The following CASQ2 variants were observed in gnomAD, a reference collection of about 807,000 sequenced individuals.
The protein encoded by CASQ2 is calsequestrin 2, also known as calsequestrin-2.
CASQ2 carries 49 observed loss-of-function variants against 46.5 expected under a neutral mutation model. That is an observed-to-expected ratio of 1.05 (90% CI 0.84 to 1.34). CASQ2 has a LOEUF of 1.34. Ranked by LOEUF, CASQ2 falls within the 40% of genes most tolerant of loss-of-function variation. The pLI, the probability that CASQ2 is intolerant of heterozygous loss-of-function variation, is 0.00. For synonymous variants in CASQ2, 174 were observed against 168.5 expected (o/e 1.03, Z -0.25); for missense variants, 486 against 481.3 (o/e 1.01, Z -0.09).
intron 8 of CASQ2, among the ~76,000 whole-genome samples, chr1:115,709,796 A>G (rs1182667118): frequency 2.0e-5 from 3 of 152,134 alleles, no homozygotes; most frequent in Admixed American, 6.5e-5. Context: ...TTTTTTTCAC[A>G]TGACGTTTAC....
At chr1:115,715,968 T>G (rs1003886589) in intron 8 of CASQ2, among the ~76,000 whole-genome samples, 1 of 152,218 alleles carries the variant, frequency 6.6e-6, no homozygotes, top group Non-Finnish European at 1.5e-5. Context: ...TGCCACTAAC[T>G]GTGTTCTCTT....
chr1:115,743,459 G>A (rs1210338710), intron 2 of CASQ2, among the ~76,000 whole-genome samples: 2 of 151,916 alleles, frequency 1.3e-5, no homozygotes, highest in Non-Finnish European at 2.9e-5. Flanking sequence ...GCCCAAGCTG[G>A]TCTCAAACTC....
intron 4 of CASQ2, among the ~76,000 whole-genome samples, chr1:115,737,089 C>T (rs942487589): frequency 2.0e-5 from 3 of 151,958 alleles, no homozygotes; most frequent in African/African-American, 4.8e-5. Flanking sequence ...TTGAGACAGA[C>T]GAACTGAAAA....
At chr1:115,750,195 A>G (rs1648528877) in intron 1 of CASQ2, among the ~76,000 whole-genome samples, 1 of 152,242 alleles carries the variant, frequency 6.6e-6, no homozygotes, top group South Asian at 2.1e-4. Flanking sequence ...AGAGTTACAT[A>G]CGTGAGAAAA....
chr1:115,723,543 C>T (rs1050189395), intron 7 of CASQ2, among the ~76,000 whole-genome samples: 5 of 151,894 alleles, frequency 3.3e-5, no homozygotes, highest in Admixed American at 6.6e-5. Context: ...ATTAATAAGA[C>T]TCTTTTTTTT....
intron 8 of CASQ2, among the ~76,000 whole-genome samples, chr1:115,708,448 C>T (rs977213870): frequency 1.3e-5 from 2 of 152,140 alleles, no homozygotes; most frequent in Admixed American, 6.5e-5. Context: ...GGAGTCAGCC[C>T]AGAATGGCCC....
chr1:115,724,681 T>G (rs1647512345), intron 7 of CASQ2, among the ~76,000 whole-genome samples: 1 of 152,202 alleles, frequency 6.6e-6, no homozygotes, highest in Non-Finnish European at 1.5e-5. Flanking sequence ...AGAAGACAAG[T>G]TGGCTCAGCT....
chr1:115,766,245 T>G (rs1000159920), intron 1 of CASQ2, among the ~76,000 whole-genome samples: 3 of 152,174 alleles, frequency 2.0e-5, no homozygotes, highest in African/African-American at 7.2e-5. Context: ...CCCTTGGGCG[T>G]TTTCGCACTG....
intron 8 of CASQ2, 75 bp downstream of exon 8, chr1:115,717,765 G>A: frequency 1.8e-6 from 2 of 1,107,184 alleles, no homozygotes; most frequent in Non-Finnish European, 2.8e-6. Context: ...TGAGAGAAGA[G>A]AAAGGTGAGG....
At chr1:115,753,321 G>A (rs1032338099) in intron 1 of CASQ2, among the ~76,000 whole-genome samples, 1 of 152,178 alleles carries the variant, frequency 6.6e-6, no homozygotes, top group Non-Finnish European at 1.5e-5. Context: ...GAGGCAGAGC[G>A]GAGCTATGGG....
At position 115,702,938 on chromosome 1, in the gene CASQ2, C is replaced by T. The variant is rs763987909; in HGVS notation, c.997G>A (p.Val333Met). The T allele has an allele frequency of 1.9e-6, 3 of 1,613,472 alleles. No individual in the cohort carries two copies. The highest frequency in any genetic ancestry group is 2.5e-6 in the Non-Finnish European group (3 of 1,179,672). ...KIDLFRPQIGVVNVTDADSVW... is the reference protein window; with the variant it reads ...KIDLFRPQIGMVNVTDADSVW... ...ATACTCACATCTGTGACATTCACCA[C>T]CCCAATCTGTGGCCTGAATAGGTCA... Residue 333 changes from valine to methionine, a missense_variant, in exon 10 of 11, where the codon GTG becomes ATG. Physicochemically the swap from Val to Met is conservative, Grantham distance 21 (BLOSUM62 1). Coordinates refer to ENST00000261448, the MANE Select transcript of CASQ2 (RefSeq NM_001232.4).
chr1:115,740,056 T>G (rs1186497945), intron 3 of CASQ2, among the ~76,000 whole-genome samples: 1 of 152,176 alleles, frequency 6.6e-6, no homozygotes, highest in African/African-American at 2.4e-5. Context: ...AGAGAAAGAA[T>G]GATAGACCAC....
At chr1:115,736,988 T>C (rs1223348472) in intron 4 of CASQ2, among the ~76,000 whole-genome samples, 1 of 152,176 alleles carries the variant, frequency 6.6e-6, no homozygotes, top group East Asian at 1.9e-4. Context: ...AAAGGTGTGC[T>C]CTTTATCCTA....
Position 115,744,920 on chromosome 1 carries a change from A to T in CASQ2, c.235-8T>A. 1 of 1,598,880 alleles carries T rather than the reference A, an allele frequency of 6.3e-7. No individual in the cohort carries two copies. Among genetic ancestry groups the T allele is most frequent in the Non-Finnish European group, 8.6e-7 (1 of 1,166,504 alleles). Reference sequence around the variant, plus strand: ...AAGGACCTGGGCCACAAGCTGAAGAAACAAATGGAAAGATGAGTGTGCTAA... The same window carrying T: ...AAGGACCTGGGCCACAAGCTGAAGATACAAATGGAAAGATGAGTGTGCTAA... On this transcript the variant is annotated splice_polypyrimidine_tract_variant and splice_region_variant and intron_variant, in intron 1 of 10. Transcript: ENST00000261448.
At chr1:115,739,035 A>G (rs1648067190) in intron 3 of CASQ2, among the ~76,000 whole-genome samples, 1 of 143,114 alleles carries the variant, frequency 7.0e-6, no homozygotes, top group Non-Finnish European at 1.5e-5. Context: ...TTCCATCTGT[A>G]TAGTTGCAAA....
At chr1:115,732,438 C>T (rs1323881723) in intron 5 of CASQ2, among the ~76,000 whole-genome samples, 2 of 152,206 alleles carry the variant, frequency 1.3e-5, no homozygotes, top group African/African-American at 4.8e-5. Context: ...CACGTCCCTT[C>T]CCTGCTTCAG....
At chr1:115,724,512 G>A (rs535806303) in intron 7 of CASQ2, among the ~76,000 whole-genome samples, 1 of 152,276 alleles carries the variant, frequency 6.6e-6, no homozygotes, top group African/African-American at 2.4e-5. Flanking sequence ...GCTATTGGAA[G>A]ATCCAAATAA....
In CASQ2 at chr1:115,724,115, C is replaced by T. The variant is rs145606950; in HGVS notation, c.783+1393G>A. Reference sequence around the variant, plus strand: ...TTCTCCTCCTTCCCAGCCCTCACACCAAATGGCCCCTTGTGGGGACATAGT... The same window carrying T: ...TTCTCCTCCTTCCCAGCCCTCACACTAAATGGCCCCTTGTGGGGACATAGT... On this transcript the variant is annotated intron_variant, in intron 7 of 10. Coordinates refer to ENST00000261448, the MANE Select transcript of CASQ2 (RefSeq NM_001232.4). 3.7e-3 allele frequency among the ~76,000 whole-genome samples: 563 copies of T among 152,274 alleles called. 6 individuals are homozygous for T. The highest frequency in any genetic ancestry group is 0.013 in the African/African-American group (538 of 41,554).
chr1:115,732,291 T>C (rs900014179), intron 5 of CASQ2: 2 of 152,914 alleles, frequency 1.3e-5, no homozygotes, highest in African/African-American at 4.8e-5. Context: ...ATACAACTAA[T>C]TAGGATAAAC....
Sources: gnomAD v4.1 joint callset for allele counts (sites outside exome capture counted in the v4.1 genomes callset) on GRCh38, gnomAD v4.1.1 for gene constraint, MANE v1.5 for transcripts, NCBI Gene and HGNC (gene_info 2026-07-23, HGNC 2026-07-21) for gene names.